The following CECR2 variants were observed in gnomAD, a reference collection of about 807,000 sequenced individuals.
CECR2 encodes the protein chromatin remodeling regulator CECR2.
In CECR2, 30 loss-of-function variants were observed where a neutral mutation model predicts 154.5. That is an observed-to-expected ratio of 0.19 (90% CI 0.15 to 0.26). CECR2 has a LOEUF of 0.26. Among genes scored for constraint, CECR2 ranks in the 10% least tolerant of loss-of-function variants. The pLI is 1.00. For missense variants in CECR2, 1,743 were observed against 1,829.3 expected (o/e 0.95, Z 0.86); for synonymous variants, 725 against 683.7 (o/e 1.06, Z -0.94).
chr22:17,529,218 T>C (rs929038569), intron 9 of CECR2, among the ~76,000 whole-genome samples: 27 of 152,076 alleles, frequency 1.8e-4, no homozygotes, highest in African/African-American at 6.0e-4. Flanking sequence ...GGCAGGGATA[T>C]GCAGCAGGAA....
intron 1 of CECR2, among the ~76,000 whole-genome samples, chr22:17,386,804 C>G (rs2063267873): frequency 6.6e-6 from 1 of 152,060 alleles, no homozygotes. Flanking sequence ...GCGCATGCCA[C>G]CACGCCCAGC....
At chr22:17,540,849 C>A in intron 14 of CECR2, 49 bp downstream of exon 14, 1 of 1,495,998 alleles carries the variant, frequency 6.7e-7, no homozygotes, top group Non-Finnish European at 8.9e-7. Flanking sequence ...TTTGTGAGTT[C>A]ATAGTAATGT....
At chr22:17,500,065 G>A (rs1388576314) in intron 4 of CECR2, among the ~76,000 whole-genome samples, 1 of 152,066 alleles carries the variant, frequency 6.6e-6, no homozygotes, top group Non-Finnish European at 1.5e-5. Flanking sequence ...CAAAAAATTA[G>A]CCAGGCGTGG....
At chr22:17,384,314 CCTCACGCAGTT>C (rs915110491) in intron 1 of CECR2, among the ~76,000 whole-genome samples, 12 of 152,114 alleles carry the variant, frequency 7.9e-5, no homozygotes, top group African/African-American at 2.9e-4. Context: ...GACTTCCTGG[CCTCACGCAGTT>C]CTCCCATCTT....
chr22:17,371,308 T>C (rs2063058050), intron 1 of CECR2, among the ~76,000 whole-genome samples: 1 of 152,230 alleles, frequency 6.6e-6, no homozygotes, highest in Non-Finnish European at 1.5e-5. Context: ...TGGCGATTCT[T>C]AGTTCCTTAA....
intron 1 of CECR2, among the ~76,000 whole-genome samples, chr22:17,407,814 A>G (rs975103012): frequency 8.5e-5 from 13 of 152,124 alleles, no homozygotes; most frequent in African/African-American, 2.7e-4. Flanking sequence ...AATATTGTCA[A>G]ATAGCCTACA....
At chr22:17,444,225 G>A (rs568727911) in intron 1 of CECR2, among the ~76,000 whole-genome samples, 44 of 152,276 alleles carry the variant, frequency 2.9e-4, no homozygotes, top group African/African-American at 1.0e-3. Context: ...ACAGTGAAGC[G>A]TTTGCTGGCT....
At position 17,529,043 on chromosome 22, in the gene CECR2, C is replaced by T. The variant is rs547269927; in HGVS notation, c.1108+4772C>T. Among the ~76,000 whole-genome samples, 17 of 152,174 alleles carry T rather than the reference C, an allele frequency of 1.1e-4. No homozygotes were observed. The South Asian group carries it at 2.7e-3, about 24-fold the overall frequency. On this transcript the variant is annotated intron_variant, in intron 9 of 18. Transcript: ENST00000262608. ...CGCAGGAGATCGAGGCTGCAGTGAG[C>T]GCTGATTTCCCCTGCTGAACACAGC...
intron 1 of CECR2, among the ~76,000 whole-genome samples, chr22:17,449,525 T>C (rs1329401070): frequency 7.2e-6 from 1 of 138,264 alleles, no homozygotes; most frequent in Admixed American, 7.8e-5. Context: ...AGTCTTGCTC[T>C]GTCGCCCAGG....
chr22:17,470,056 C>T (rs1383035181), intron 1 of CECR2, among the ~76,000 whole-genome samples: 1 of 152,164 alleles, frequency 6.6e-6, no homozygotes, highest in Non-Finnish European at 1.5e-5. Context: ...TTCCCACTAT[C>T]ACAGGTCCTA....
chr22:17,369,302 G>GGCGC (rs1316652306), upstream of CECR2: 1 of 150,996 alleles, frequency 6.6e-6, no homozygotes, highest in African/African-American at 2.4e-5. Flanking sequence ...TGGGCCCGGG[G>GGCGC]GCGCGCGCCC....
At chr22:17,368,381 G>T (rs1391524668), upstream of CECR2, among the ~76,000 whole-genome samples, 1 of 152,146 alleles carries the variant, frequency 6.6e-6, no homozygotes, top group Non-Finnish European at 1.5e-5. Flanking sequence ...CTGAAAGGTG[G>T]ACCACCGAAC....
intron 1 of CECR2, among the ~76,000 whole-genome samples, chr22:17,430,416 A>T (rs1375080299): frequency 1.3e-5 from 2 of 151,930 alleles, no homozygotes; most frequent in African/African-American, 4.8e-5. Context: ...TCTACCCCCT[A>T]ATTCTTCAAG....
chr22:17,417,077 ATC>A (rs2054167254), intron 1 of CECR2, among the ~76,000 whole-genome samples: 1 of 148,554 alleles, frequency 6.7e-6, no homozygotes, highest in African/African-American at 2.5e-5. Context: ...ATTTAACTTT[ATC>A]ACATACAGTG....
At chr22:17,450,339 C>G (rs749493122) in intron 1 of CECR2, among the ~76,000 whole-genome samples, 1 of 152,146 alleles carries the variant, frequency 6.6e-6, no homozygotes, top group African/African-American at 2.4e-5. Flanking sequence ...GGCGCAACAT[C>G]GGCTCACTGC....
intron 1 of CECR2, among the ~76,000 whole-genome samples, chr22:17,405,753 A>G (rs2053975280): frequency 6.6e-6 from 1 of 152,024 alleles, no homozygotes; most frequent in Non-Finnish European, 1.5e-5. Flanking sequence ...CCTTTTAGCA[A>G]CCTGTTTGTA....
intron 1 of CECR2, among the ~76,000 whole-genome samples, chr22:17,402,605 G>A (rs1160210489): frequency 6.6e-6 from 1 of 152,078 alleles, no homozygotes; most frequent in East Asian, 1.9e-4. Context: ...CCTCCACCCA[G>A]CTTCCTCTCA....
At chr22:17,456,839 T>C (rs557882444) in intron 1 of CECR2, among the ~76,000 whole-genome samples, 2 of 152,338 alleles carry the variant, frequency 1.3e-5, no homozygotes, top group South Asian at 2.1e-4. Context: ...GTTGTAGATA[T>C]ATTGTTACTC....
At chr22:17,498,036 T>C (rs1325924753) in intron 3 of CECR2, among the ~76,000 whole-genome samples, 3 of 152,146 alleles carry the variant, frequency 2.0e-5, no homozygotes, top group Non-Finnish European at 4.4e-5. Flanking sequence ...ACAAAAAATG[T>C]GTTGAAGGAA....
Sources: allele counts gnomAD v4.1 joint callset (sites outside exome capture counted in the v4.1 genomes callset), GRCh38; gene constraint gnomAD v4.1.1; transcripts MANE v1.5; gene names NCBI Gene and HGNC (gene_info 2026-07-23, HGNC 2026-07-21).